Variants in ZFP62 observed in about 807,000 individuals in gnomAD.
ZFP62 encodes the protein zinc finger protein 62 homolog.
In ZFP62, 44 loss-of-function variants were observed where a neutral mutation model predicts 56.4. The ratio of observed to expected loss-of-function variants is 0.78; its 90% CI spans 0.61 to 1.00. ZFP62 has a LOEUF of 1.00. ZFP62 is among the 50% of genes least tolerant of loss of function. The pLI, the probability that ZFP62 is intolerant of heterozygous loss-of-function variation, is 0.00. For synonymous variants in ZFP62, 421 were observed against 388.9 expected (o/e 1.08, Z -0.97); for missense variants, 1,030 against 1,085.7 (o/e 0.95, Z 0.72).
rs1217480064 is a variant in ZFP62 at position 180,850,112 on chromosome 5, A to G, written c.1383T>C (p.Asn461=). Residue 461 remains asparagine, a synonymous_variant, in exon 2 of 2, where the codon AAT becomes AAC. Coordinates refer to ENST00000502412, the MANE Select transcript of ZFP62 (RefSeq NM_001172638.2). ...CDVCGKTFRN[N]AGLKVHRRLH... is the part of the protein sequence containing the mutation. ...GCCTCCTGTGGACTTTGAGGCCTGC[A>G]TTGTTTCTGAACGTTTTCCCACACA... 1.3e-6 allele frequency: 2 copies of G among 1,551,414 alleles called. No individual in the cohort carries two copies. Among genetic ancestry groups the G allele is most frequent in the Admixed American group, 2.0e-5 (1 of 50,972 alleles).
At chr5:180,829,385 G>A in the ZFP62 span, among the ~76,000 whole-genome samples, 5 of 152,082 alleles carry the variant, frequency 3.3e-5, no homozygotes, top group Admixed American at 6.5e-5. Flanking sequence ...CTCCCTGTTC[G>A]TACACTCCCT....
intron 1 of ZFP62, among the ~76,000 whole-genome samples, chr5:180,856,946 A>G (rs1774014999): frequency 9.6e-6 from 1 of 103,890 alleles, no homozygotes; most frequent in South Asian, 4.2e-4. Context: ...GAGCAAGACT[A>G]TGTCTCAAAA....
At chr5:180,832,156 A>T in the ZFP62 span, among the ~76,000 whole-genome samples, 4 of 151,854 alleles carry the variant, frequency 2.6e-5, no homozygotes, top group Non-Finnish European at 5.9e-5. Context: ...ATTCACTTCT[A>T]ATTTCTTTTT....
the ZFP62 span, chr5:180,832,799 C>T: frequency 1.3e-5 from 2 of 152,176 alleles, no homozygotes; most frequent in Non-Finnish European, 2.9e-5. Context: ...TCTCAGCCAC[C>T]CAGACTTCCT....
At chr5:180,840,876 T>C in the ZFP62 span, among the ~76,000 whole-genome samples, 4 of 152,006 alleles carry the variant, frequency 2.6e-5, no homozygotes, top group South Asian at 2.1e-4. Context: ...AATGTTAGCA[T>C]AGTATTGCTA....
At chr5:180,858,450 A>G (rs2113720854) in intron 1 of ZFP62, among the ~76,000 whole-genome samples, 1 of 152,120 alleles carries the variant, frequency 6.6e-6, no homozygotes, top group Middle Eastern at 3.4e-3. Context: ...TAAAAATACA[A>G]AAATTAGCCA....
chr5:180,846,952 G>A (rs1773426092), downstream of ZFP62, among the ~76,000 whole-genome samples: 1 of 152,186 alleles, frequency 6.6e-6, no homozygotes, highest in Non-Finnish European at 1.5e-5. Flanking sequence ...AAGTGGAGCA[G>A]TGGTAGAAAT....
At chr5:180,854,692 C>T (rs1299447029) in intron 1 of ZFP62, among the ~76,000 whole-genome samples, 4 of 152,184 alleles carry the variant, frequency 2.6e-5, no homozygotes, top group Non-Finnish European at 4.4e-5. Flanking sequence ...GGGAGAAGGA[C>T]ACATCACCTA....
rs1199261511 is a variant in ZFP62, at chr5:180,847,966, G to C, written c.*826C>G. On this transcript the variant is annotated 3_prime_UTR_variant, in exon 2 of 2. Transcript: ENST00000502412. Reference sequence around the variant, plus strand: ...TTGACGGTGTGTTCCATTAGTTACTGAATGTGTCAAAATCCTCTCCACGGT... The same window carrying C: ...TTGACGGTGTGTTCCATTAGTTACTCAATGTGTCAAAATCCTCTCCACGGT... The C allele has an allele frequency of 6.1e-6, 6 of 985,268 alleles. No homozygotes were observed. The highest frequency in any genetic ancestry group is 3.6e-6 in the Non-Finnish European group (3 of 829,928). The allele number at this position is 985,268 out of a possible 1,614,324, so 61.0% of individuals were successfully genotyped here.
chr5:180,843,940 A>G (rs1773363228), downstream of ZFP62, among the ~76,000 whole-genome samples: 1 of 152,248 alleles, frequency 6.6e-6, no homozygotes, highest in African/African-American at 2.4e-5. Context: ...TAACAAAAAT[A>G]TAACTAGGAA....
chr5:180,849,238 C>T lies in ZFP62; in HGVS notation c.2257G>A (p.Gly753Arg). The T allele has an allele frequency of 1.3e-6, 2 of 1,557,492 alleles. No individual in the cohort carries two copies. The highest frequency in any genetic ancestry group is 1.7e-6 in the Non-Finnish European group (2 of 1,150,378). The change falls in exon 2 of 2, where the codon GGG becomes AGG. Residue 753 changes from glycine to arginine, a missense_variant. Coordinates refer to ENST00000502412, the MANE Select transcript of ZFP62 (RefSeq NM_001172638.2). ...CTATCACACACATAGGGTTTCTCCCCTGTGTGGATCCTCTTGTGCTGAGAA... is the reference window on the plus strand; with the variant it reads ...CTATCACACACATAGGGTTTCTCCCTTGTGTGGATCCTCTTGTGCTGAGAA... ...LLSQHKRIHT[G>R]EKPYVCDRCG...
chr5:180,850,166 A>G lies in ZFP62; in HGVS notation c.1329T>C (p.His443=). 1.3e-6 allele frequency: 2 copies of G among 1,551,790 alleles called. No individual in the cohort carries two copies. The highest frequency in any genetic ancestry group is 1.7e-6 in the Non-Finnish European group (2 of 1,147,034). ...CACATACATAAGGTCTCTCTCCGGT[A>G]TGAATAGTTCTGTGTTGAAGAAGTA... ...NSLLLQHRTI[H]TGERPYVCDV... is the part of the protein sequence containing the mutation. The change falls in exon 2 of 2, where the codon CAT becomes CAC. Residue 443 remains histidine (H), a synonymous_variant. Coordinates refer to ENST00000502412, the MANE Select transcript of ZFP62 (RefSeq NM_001172638.2).
the ZFP62 span, among the ~76,000 whole-genome samples, chr5:180,832,444 C>T: frequency 4.6e-5 from 7 of 152,220 alleles, no homozygotes; most frequent in African/African-American, 1.4e-4. Flanking sequence ...TGAGCCACTG[C>T]GCCTGGGCTT....
the ZFP62 span, among the ~76,000 whole-genome samples, chr5:180,834,130 C>G: frequency 6.6e-6 from 1 of 151,986 alleles, no homozygotes; most frequent in Non-Finnish European, 1.5e-5. Flanking sequence ...ATGGTAGGGC[C>G]CTCATGAGTG....
In ZFP62 at chr5:180,850,071, T is replaced by C. The variant is rs1289735017; in HGVS notation, c.1424A>G (p.Lys475Arg). Residue 475 changes from lysine (K) to arginine (R), a missense_variant, in exon 2 of 2, where the codon AAA becomes AGA. Transcript: ENST00000502412. Reference sequence around the variant, plus strand: ...CCCACACACATCACACTTATATGGTTTTTCCCCAGTATGGAGCCTCCTGTG... The same window carrying C: ...CCCACACACATCACACTTATATGGTCTTTCCCCAGTATGGAGCCTCCTGTG... ...KVHRRLHTGE[K>R]PYKCDVCGKA... 6.4e-7 allele frequency: 1 copy of C among 1,551,840 alleles called. No individual in the cohort carries two copies. The highest frequency in any genetic ancestry group is 1.2e-5 in the South Asian group (1 of 84,058).
chr5:180,854,586 A>AG (rs35036646), intron 1 of ZFP62, among the ~76,000 whole-genome samples: 26,165 of 152,132 alleles, frequency 0.17, 2,422 homozygotes, highest in South Asian at 0.35. Context: ...ATTATTTACA[A>AG]GGGGGAAAAA....
intron 1 of ZFP62, chr5:180,860,411 T>C (rs1666431293): frequency 6.6e-6 from 1 of 152,172 alleles, no homozygotes; most frequent in Non-Finnish European, 1.5e-5. Flanking sequence ...CTACTTTAAA[T>C]GTCTTAGAGC....
In ZFP62 at chr5:180,857,177, G is replaced by A. The variant is rs140505437; in HGVS notation, c.1+4042C>T. 5.5e-3 allele frequency among the ~76,000 whole-genome samples: 839 copies of A among 152,122 alleles called. 10 individuals carry two copies. The highest frequency in any genetic ancestry group is 0.018 in the African/African-American group (766 of 41,492). ...CATAAGGAGTCCAGACTTGATCCTCGGGAGCTTCGGGCAAAGGAGTAGCAA... is the reference window on the plus strand; with the variant it reads ...CATAAGGAGTCCAGACTTGATCCTCAGGAGCTTCGGGCAAAGGAGTAGCAA... On this transcript the variant is annotated intron_variant, in intron 1 of 1. Transcript: ENST00000502412.
chr5:180,851,912 T>C (rs2619767), intron 1 of ZFP62: 615,233 of 665,776 alleles, frequency 0.92, 284,544 homozygotes, highest in East Asian at 1. Context: ...AAAAGTTAGG[T>C]AAAACTTTTT....
Sources: allele counts gnomAD v4.1 joint callset (sites outside exome capture counted in the v4.1 genomes callset), GRCh38; gene constraint gnomAD v4.1.1; transcripts MANE v1.5; gene names NCBI Gene and HGNC (gene_info 2026-07-23, HGNC 2026-07-21).